Variants in CADM2 observed in about 807,000 individuals in gnomAD.
CADM2 encodes the protein immunoglobulin superfamily member 4D.
A neutral mutation model predicts 49.8 loss-of-function variants in CADM2; 12 were observed. The ratio of observed to expected loss-of-function variants is 0.24; its 90% CI spans 0.15 to 0.39. The LOEUF is 0.39. Ranked by LOEUF, CADM2 falls within the 10% of genes least tolerant of loss-of-function variation. The pLI is 1.00. For synonymous variants in CADM2, 214 were observed against 175.4 expected (o/e 1.22, Z -1.74); for missense variants, 378 against 492.3 (o/e 0.77, Z 2.20).
intron 1 of CADM2, among the ~76,000 whole-genome samples, chr3:85,310,566 T>C (rs2044318006): frequency 6.6e-6 from 1 of 152,166 alleles, no homozygotes; most frequent in Admixed American, 6.5e-5. Context: ...TTTCATTACT[T>C]TAGGCAGCAG....
intron 1 of CADM2, among the ~76,000 whole-genome samples, chr3:85,272,748 C>T (rs1038185795): frequency 2.6e-5 from 4 of 151,116 alleles, no homozygotes; most frequent in Non-Finnish European, 4.4e-5. Context: ...TCAGAATAAG[C>T]CAAAGTTTCT....
chr3:85,144,238 T>TACAC (rs1341186985), intron 1 of CADM2, among the ~76,000 whole-genome samples: 1 of 68,862 alleles, frequency 1.5e-5, no homozygotes, highest in African/African-American at 5.1e-5. Flanking sequence ...AGTATTTTGT[T>TACAC]ACACACGCAC....
chr3:85,854,657 G>T (rs761895613), intron 3 of CADM2, among the ~76,000 whole-genome samples: 31 of 151,996 alleles, frequency 2.0e-4, no homozygotes, highest in African/African-American at 7.2e-4. Context: ...GAGGGATAGC[G>T]TTAGGAGAAA....
chr3:85,491,843 T>G (rs1413716565), intron 1 of CADM2, among the ~76,000 whole-genome samples: 1 of 151,684 alleles, frequency 6.6e-6, no homozygotes, highest in African/African-American at 2.4e-5. Flanking sequence ...TCCCAGCTAC[T>G]CCGGAGGCTG....
At chr3:85,869,013 A>G (rs1294796489) in intron 3 of CADM2, among the ~76,000 whole-genome samples, 2 of 151,914 alleles carry the variant, frequency 1.3e-5, no homozygotes. Context: ...GAGGATTTAA[A>G]CATTTTTATT....
chr3:84,981,231 G>A (rs1006361876), intron 1 of CADM2, among the ~76,000 whole-genome samples: 4 of 147,742 alleles, frequency 2.7e-5, no homozygotes, highest in African/African-American at 1.0e-4. Context: ...TGTGGTGTTT[G>A]GTTTTTTGTT....
chr3:85,581,594 T>C lies in CADM2; in HGVS notation c.62-144928T>C, dbSNP rs552310104. On this transcript the variant is annotated intron_variant, in intron 1 of 9. Transcript: ENST00000383699. ...AGCACAATTACAAGCAAGTTTTTGT[T>C]AAACTACCTTTAATTTAAGAGGGCA... is the stretch of plus-strand genomic sequence containing the variant. Among the ~76,000 whole-genome samples, 38 of 152,316 alleles carry C rather than the reference T, an allele frequency of 2.5e-4. No individual in the cohort carries two copies. In the South Asian group the frequency reaches 6.6e-3, roughly 27 times the overall value.
At chr3:85,395,128 A>C (rs1040767539) in intron 1 of CADM2, among the ~76,000 whole-genome samples, 2 of 151,808 alleles carry the variant, frequency 1.3e-5, no homozygotes, top group African/African-American at 4.8e-5. Flanking sequence ...CTAAAAAAAA[A>C]ATAAAGCAAT....
intron 2 of CADM2, among the ~76,000 whole-genome samples, chr3:85,782,085 A>G (rs555164808): frequency 1.3e-5 from 2 of 152,314 alleles, no homozygotes; most frequent in African/African-American, 4.8e-5. Context: ...TAGCTTTTGG[A>G]GTTGATTGAG....
At chr3:84,967,251 T>C (rs1279971089) in intron 1 of CADM2, among the ~76,000 whole-genome samples, 2 of 152,128 alleles carry the variant, frequency 1.3e-5, no homozygotes, top group Non-Finnish European at 1.5e-5. Flanking sequence ...TTGTTTGTAT[T>C]CTAAAATGCA....
intron 1 of CADM2, among the ~76,000 whole-genome samples, chr3:85,634,081 C>A (rs375212590): frequency 6.6e-6 from 1 of 151,910 alleles, no homozygotes; most frequent in African/African-American, 2.4e-5. Context: ...TCCTTGCTTG[C>A]GACTGCTCAT....
At chr3:85,539,353 T>G (rs1006568908) in intron 1 of CADM2, among the ~76,000 whole-genome samples, 1 of 152,070 alleles carries the variant, frequency 6.6e-6, no homozygotes, top group Non-Finnish European at 1.5e-5. Context: ...ACTTCATATT[T>G]TTTATTATTG....
intron 1 of CADM2, among the ~76,000 whole-genome samples, chr3:85,398,191 G>C (rs1456645604): frequency 2.0e-5 from 3 of 151,040 alleles, no homozygotes; most frequent in Admixed American, 1.3e-4. Flanking sequence ...AGTGTGTGAT[G>C]TTCCCCTTCC....
intron 1 of CADM2, among the ~76,000 whole-genome samples, chr3:85,293,890 G>A (rs2043875212): frequency 6.6e-6 from 1 of 151,666 alleles, no homozygotes; most frequent in South Asian, 2.1e-4. Context: ...AGACAGGGAT[G>A]CCCTCCCTCA....
intron 1 of CADM2, among the ~76,000 whole-genome samples, chr3:85,637,621 A>AAAAAT (rs1559958577): frequency 8.5e-4 from 97 of 114,392 alleles, no homozygotes; most frequent in South Asian, 1.5e-3. Flanking sequence ...AAAAAAAAAA[A>AAAAAT]AAAATAAAAT....
intron 1 of CADM2, among the ~76,000 whole-genome samples, chr3:85,053,456 G>C (rs1331698791): frequency 6.6e-6 from 1 of 152,000 alleles, no homozygotes; most frequent in Non-Finnish European, 1.5e-5. Context: ...AGAACTGGGA[G>C]TGTTAAGTTA....
At chr3:85,528,220 C>T (rs1265081068) in intron 1 of CADM2, among the ~76,000 whole-genome samples, 2 of 152,082 alleles carry the variant, frequency 1.3e-5, no homozygotes, top group Non-Finnish European at 2.9e-5. Context: ...ATCCTAAGTG[C>T]CACACATCAG....
chr3:85,259,931 C>A (rs752872397), intron 1 of CADM2, among the ~76,000 whole-genome samples: 25 of 152,082 alleles, frequency 1.6e-4, no homozygotes, highest in Non-Finnish European at 1.5e-5. Flanking sequence ...CAGACACAAT[C>A]TAAAGGTTAG....
Position 85,996,191 on chromosome 3 carries a change from A to G in CADM2, c.970+34544A>G, listed in dbSNP as rs542301780. On this transcript the variant is annotated intron_variant, in intron 8 of 9. Coordinates refer to ENST00000383699, the MANE Select transcript of CADM2 (RefSeq NM_001167675.2). ...CAGAGGGATCAAAATTTGAAGATTTATATTATTTAAATTTACTTTCAGACA... is the reference window on the plus strand; with the variant it reads ...CAGAGGGATCAAAATTTGAAGATTTGTATTATTTAAATTTACTTTCAGACA... Among the ~76,000 whole-genome samples, 3 of 151,388 alleles carry G rather than the reference A, an allele frequency of 2.0e-5. No homozygotes were observed. In the South Asian group the frequency reaches 6.2e-4, roughly 31 times the overall value.
Sources: gnomAD v4.1 joint callset for allele counts (sites outside exome capture counted in the v4.1 genomes callset) on GRCh38, gnomAD v4.1.1 for gene constraint, MANE v1.5 for transcripts, NCBI Gene and HGNC (gene_info 2026-07-23, HGNC 2026-07-21) for gene names.